The following TENT5D variants were observed in gnomAD, a reference collection of about 807,000 sequenced individuals.
The protein encoded by TENT5D is terminal nucleotidyltransferase 5D, also known as cancer/testis antigen 112.
For missense variants in TENT5D, 191 were observed against 287.0 expected, an observed-to-expected ratio of 0.67 and a Z score of 2.42; for synonymous variants, 103 against 100.6, an observed-to-expected ratio of 1.02 and a Z score of -0.15.
At chrX:80,445,150 T>C (rs1479529437) in exon 3 of TENT5D, 2 of 122,868 alleles carry the variant, frequency 1.6e-5, no homozygotes, top group Admixed American at 9.6e-5. Context: ...CATTTTCAAA[T>C]AACCAATATT....
At chrX:80,356,982 A>G (rs765085147) in intron 3 of TENT5D, among the ~76,000 whole-genome samples, 99 of 111,005 alleles carry the variant, frequency 8.9e-4, no homozygotes, top group South Asian at 4.6e-3. Context: ...TCGTTGTTCA[A>G]TTCCCACCTT....
intron 1 of TENT5D, among the ~76,000 whole-genome samples, chrX:80,437,747 C>G (rs1192071556): frequency 1.8e-5 from 2 of 111,291 alleles, no homozygotes; most frequent in Non-Finnish European, 3.8e-5. Context: ...TATCTAATAC[C>G]TCTTTCCAAT....
chrX:80,421,067 T>C (rs759650422), intron 1 of TENT5D, among the ~76,000 whole-genome samples: 1 of 112,701 alleles, frequency 8.9e-6, no homozygotes, highest in East Asian at 2.8e-4. Flanking sequence ...AAGAAAGTTA[T>C]TGTCAGGTAA....
intron 3 of TENT5D, among the ~76,000 whole-genome samples, chrX:80,399,693 A>G (rs1388587716): frequency 8.9e-6 from 1 of 112,777 alleles, no homozygotes; most frequent in East Asian, 2.8e-4. Context: ...ATACAACACA[A>G]CACTGTATAG....
At chrX:80,407,223 A>C (rs1210024240) in intron 3 of TENT5D, among the ~76,000 whole-genome samples, 1 of 109,893 alleles carries the variant, frequency 9.1e-6, no homozygotes, top group Non-Finnish European at 1.9e-5. Flanking sequence ...TAACATCATA[A>C]TGACAGGATC....
chrX:80,418,601 C>T, upstream of TENT5D, among the ~76,000 whole-genome samples: 1 of 111,423 alleles, frequency 9.0e-6, no homozygotes, highest in South Asian at 3.8e-4. Context: ...CCCAAAACTC[C>T]TTCCTCCTAT....
intron 3 of TENT5D, among the ~76,000 whole-genome samples, chrX:80,364,780 G>T (rs920946597): frequency 2.5e-4 from 27 of 109,140 alleles, no homozygotes; most frequent in Non-Finnish European, 4.6e-4. Flanking sequence ...TTTCTCACTG[G>T]CTGATCTACC....
At chrX:80,351,592 C>CA (rs751513757) in intron 3 of TENT5D, among the ~76,000 whole-genome samples, 1 of 110,074 alleles carries the variant, frequency 9.1e-6, no homozygotes, top group Non-Finnish European at 1.9e-5. Flanking sequence ...TCAGTTAGAA[C>CA]ATGCTCCTTT....
Position 80,414,587 on chromosome X carries a change from T to C in TENT5D, c.-141-24023T>C, listed in dbSNP as rs750082857. On this transcript the variant is annotated intron_variant, in intron 3 of 4. Transcript: ENST00000538312. Reference sequence around the variant, plus strand: ...TCAGTATGTGTAAGACTTACATTGGTTCAGTCTTGTAAGGTGGGACAACTC... The same window carrying C: ...TCAGTATGTGTAAGACTTACATTGGCTCAGTCTTGTAAGGTGGGACAACTC... Among the ~76,000 whole-genome samples the C allele has an allele frequency of 4.5e-5, 5 of 112,145 alleles. No homozygotes were observed. The Admixed American group carries it at 4.7e-4, about 11-fold the overall frequency.
At chrX:80,372,272 A>G (rs1486962648) in intron 3 of TENT5D, among the ~76,000 whole-genome samples, 1 of 111,694 alleles carries the variant, frequency 9.0e-6, no homozygotes, top group African/African-American at 3.3e-5. Flanking sequence ...GAAACCTGGT[A>G]AAGCAATTTG....
At chrX:80,415,980 G>GGTTT (rs1381179614), upstream of TENT5D, among the ~76,000 whole-genome samples, 3 of 111,329 alleles carry the variant, frequency 2.7e-5, no homozygotes, top group African/African-American at 9.8e-5. Context: ...ACTCATTACT[G>GGTTT]GTTTGTTCAG....
At chrX:80,356,758 TA>T (rs1159651383) in intron 3 of TENT5D, among the ~76,000 whole-genome samples, 2 of 111,417 alleles carry the variant, frequency 1.8e-5, no homozygotes, top group East Asian at 2.8e-4. Flanking sequence ...AGAAGTTTTT[TA>T]TTTTTTTATT....
At chrX:80,343,249 G>C (rs961107995) in intron 3 of TENT5D, among the ~76,000 whole-genome samples, 3 of 111,566 alleles carry the variant, frequency 2.7e-5, no homozygotes, top group Non-Finnish European at 5.6e-5. Context: ...ATTTGGTATT[G>C]AACATTCAGA....
chrX:80,443,318 G>A (rs1203339422), exon 3 of TENT5D: 1 of 1,210,805 alleles, frequency 8.3e-7, no homozygotes. Context: ...AACCTAGAAC[G>A]TTATATGTGC....
At chrX:80,363,748 A>G (rs1930453616) in intron 3 of TENT5D, among the ~76,000 whole-genome samples, 1 of 111,700 alleles carries the variant, frequency 9.0e-6, no homozygotes, top group South Asian at 3.7e-4. Context: ...TTCATAAAGC[A>G]TTTGTCCTGG....
chrX:80,416,011 T>G (rs916284263), upstream of TENT5D, among the ~76,000 whole-genome samples: 2 of 111,969 alleles, frequency 1.8e-5, no homozygotes, highest in African/African-American at 6.5e-5. Context: ...TATTCCTGGT[T>G]CAATCTCAGT....
intron 3 of TENT5D, among the ~76,000 whole-genome samples, chrX:80,358,532 C>A (rs1930335932): frequency 8.9e-6 from 1 of 112,077 alleles, no homozygotes; most frequent in South Asian, 3.6e-4. Flanking sequence ...TTATTATAAC[C>A]AAGAGTTTAC....
chrX:80,411,405 T>C (rs1210519267), intron 3 of TENT5D, among the ~76,000 whole-genome samples: 3 of 112,181 alleles, frequency 2.7e-5, no homozygotes, highest in Non-Finnish European at 5.6e-5. Flanking sequence ...TTGAACTTAC[T>C]GTTTTATCCT....
intron 3 of TENT5D, among the ~76,000 whole-genome samples, chrX:80,404,067 T>G (rs1374369911): frequency 8.9e-6 from 1 of 111,751 alleles, no homozygotes; most frequent in Admixed American, 9.5e-5. Flanking sequence ...TTTGAGTTCT[T>G]GACCAGCCTT....
Sources: gnomAD v4.1 joint callset for allele counts (sites outside exome capture counted in the v4.1 genomes callset) on GRCh38, gnomAD v4.1.1 for gene constraint, MANE v1.5 for transcripts, NCBI Gene and HGNC (gene_info 2026-07-23, HGNC 2026-07-21) for gene names.